Variants in DHX57 observed in about 807,000 individuals in gnomAD.
DHX57 encodes the protein putative ATP-dependent RNA helicase DHX57.
DHX57 carries 105 observed loss-of-function variants against 156.2 expected under a neutral mutation model. The ratio of observed to expected loss-of-function variants is 0.67; its 90% CI spans 0.57 to 0.79. The LOEUF is 0.79. Among genes scored for constraint, DHX57 ranks in the 30% least tolerant of loss-of-function variants. The pLI, the probability that DHX57 is intolerant of heterozygous loss-of-function variation, is 0.00. For missense variants in DHX57, 1,847 were observed against 1,661.9 expected, an observed-to-expected ratio of 1.11 and a Z score of -1.94; for synonymous variants, 704 against 595.6, an observed-to-expected ratio of 1.18 and a Z score of -2.65.
chr2:38,815,402 T>A lies in DHX57; in HGVS notation c.3606+119A>T. On this transcript the variant is annotated intron_variant, in intron 20 of 23. Coordinates refer to ENST00000457308, the MANE Select transcript of DHX57 (RefSeq NM_198963.3). ...TTTGTGCGAAGCAGAAAATCAAGAA[T>A]GCCATTAACCCACTGCTCAAAGGCT... The A allele has an allele frequency of 7.0e-6, 9 of 1,280,428 alleles. No homozygotes were observed. In the South Asian group the frequency reaches 1.3e-4, roughly 18 times the overall value. 79.3% of individuals were successfully genotyped at this position (1,280,428 alleles called of 1,614,324 possible). A position where few individuals can be genotyped will look rare whatever the true frequency, so the allele number is the denominator to read the frequency against.
At position 38,813,888 on chromosome 2, in the gene DHX57, G is replaced by T. The variant is rs776167951; in HGVS notation, c.3614C>A (p.Ser1205Ter). ...TATCAGCTTGGGGTTCTCAGCATTT[G>T]AGTTTGCCTATGAGAAAAGCACAGC... ...VLDATGEEAN[S>*]NAENPKLISA... Residue 1205 changes from serine to a stop codon, truncating the protein, a stop_gained, in exon 21 of 24, where the codon TCA becomes TAA. Coordinates refer to ENST00000457308, the MANE Select transcript of DHX57 (RefSeq NM_198963.3). LOFTEE classifies it high-confidence loss of function. 6 of 1,613,056 alleles carry T rather than the reference G, an allele frequency of 3.7e-6. No homozygotes were observed. In the Admixed American group the frequency reaches 1.0e-4, roughly 27 times the overall value.
At chr2:38,815,082 T>C (rs1670456821) in intron 20 of DHX57, among the ~76,000 whole-genome samples, 1 of 151,710 alleles carries the variant, frequency 6.6e-6, no homozygotes, top group African/African-American at 2.4e-5. Flanking sequence ...TTTTTTTTTT[T>C]TTGAGACAGG....
chr2:38,828,273 G>C, intron 14 of DHX57, 67 bp downstream of exon 14: 1 of 1,261,130 alleles, frequency 7.9e-7, no homozygotes, highest in Non-Finnish European at 1.1e-6. Context: ...AGGGTCTAAA[G>C]AGGGTGATGA....
At chr2:38,864,028 C>T (rs1308781399) in intron 2 of DHX57, among the ~76,000 whole-genome samples, 1 of 149,930 alleles carries the variant, frequency 6.7e-6, no homozygotes, top group East Asian at 2.0e-4. Flanking sequence ...AAAAAAACAA[C>T]AAAACTTAAC....
intron 14 of DHX57, among the ~76,000 whole-genome samples, chr2:38,827,191 T>C (rs1214033844): frequency 6.6e-6 from 1 of 151,782 alleles, no homozygotes; most frequent in African/African-American, 2.4e-5. Flanking sequence ...TTTTACAAAA[T>C]ATTTACTTAG....
Position 38,863,282 on chromosome 2 carries a change from A to G in DHX57, c.383+79T>C, listed in dbSNP as rs969914320. On this transcript the variant is annotated intron_variant, in intron 3 of 23. Coordinates refer to ENST00000457308, the MANE Select transcript of DHX57 (RefSeq NM_198963.3). ...ACAATAGAATCAGTACTGACACAGC[A>G]TTCCAAAGATGCACAGGACCTTCAC... 9 of 1,441,522 alleles carry G rather than the reference A, an allele frequency of 6.2e-6. No individual in the cohort carries two copies. In the African/African-American group the frequency reaches 8.5e-5, roughly 14 times the overall value. The allele number at this position is 1,441,522 out of a possible 1,614,324, so 89.3% of individuals were successfully genotyped here. A position where few individuals can be genotyped will look rare whatever the true frequency, so the allele number is the denominator to read the frequency against.
At position 38,875,870 on chromosome 2, in the gene DHX57, C is replaced by G; in HGVS notation, c.-90G>C. Reference sequence around the variant, plus strand: ...GGTCCAAACTGGACTTGGCCACCCTCACGATTCTCACTTGGAGCAGCCCTG... The same window carrying G: ...GGTCCAAACTGGACTTGGCCACCCTGACGATTCTCACTTGGAGCAGCCCTG... On this transcript the variant is annotated 5_prime_UTR_variant, in exon 1 of 24. Transcript: ENST00000457308. 2.5e-6 allele frequency: 1 copy of G among 395,632 alleles called. No homozygotes were observed. The highest frequency in any genetic ancestry group is 4.4e-6 in the Non-Finnish European group (1 of 224,760). 24.5% of individuals were successfully genotyped at this position (395,632 alleles called of 1,614,324 possible). A position where few individuals can be genotyped will look rare whatever the true frequency, so the allele number is the denominator to read the frequency against.
chr2:38,860,941 T>G, intron 5 of DHX57, 58 bp downstream of exon 5: 1 of 1,486,288 alleles, frequency 6.7e-7, no homozygotes, highest in South Asian at 1.3e-5. Context: ...TTAAAGGCTT[T>G]GACTTCTAAA....
intron 21 of DHX57, among the ~76,000 whole-genome samples, chr2:38,808,015 C>T (rs1169985842): frequency 4.9e-5 from 5 of 102,986 alleles, no homozygotes; most frequent in African/African-American, 7.7e-5. Flanking sequence ...AGTGCAGTGG[C>T]GTGATGTTGG....
intron 13 of DHX57, among the ~76,000 whole-genome samples, chr2:38,832,379 G>A (rs1199656213): frequency 1.3e-5 from 2 of 151,930 alleles, no homozygotes; most frequent in African/African-American, 4.8e-5. Flanking sequence ...GGCGGAAGTT[G>A]CAGAGCCGAG....
chr2:38,868,324 T>C lies in DHX57; in HGVS notation c.82A>G (p.Ser28Gly), dbSNP rs149444526. 6.2e-7 allele frequency: 1 copy of C among 1,608,292 alleles called. No homozygotes were observed. The highest frequency in any genetic ancestry group is 1.3e-5 in the African/African-American group (1 of 74,646). Residue 28 changes from serine (S) to glycine (G), a missense_variant, in exon 2 of 24, where the codon AGT becomes GGT. Physicochemically the swap from Ser to Gly is moderately conservative, Grantham distance 56 (BLOSUM62 0). Transcript: ENST00000457308. The part of the protein sequence containing the change: ...GSSRGGRGGR[S>G]HASKSHGSGG... The stretch of plus-strand genomic sequence containing the variant: ...CTCCCATGAGATTTACTGGCGTGAC[T>C]CCTGCCTCCTCTTCCTCCTCTAGAA...
chr2:38,856,738 G>C (rs1370087660), intron 6 of DHX57: 1 of 226,664 alleles, frequency 4.4e-6, no homozygotes, highest in Non-Finnish European at 8.6e-6. Context: ...CTGTGCTCAA[G>C]AATCCACCTG....
At chr2:38,830,896 C>T (rs1254393777) in intron 13 of DHX57, among the ~76,000 whole-genome samples, 2 of 151,866 alleles carry the variant, frequency 1.3e-5, no homozygotes, top group Admixed American at 6.6e-5. Context: ...GAGTTTGAAA[C>T]CAGTCTGGGC....
intron 10 of DHX57, 87 bp downstream of exon 10, chr2:38,848,182 G>A (rs939130225): frequency 9.3e-5 from 120 of 1,289,378 alleles, no homozygotes; most frequent in Admixed American, 9.9e-5. Flanking sequence ...CTAGAAAGAG[G>A]TATAAATATC....
chr2:38,830,665 A>G (rs1671334106), intron 13 of DHX57, among the ~76,000 whole-genome samples: 1 of 151,914 alleles, frequency 6.6e-6, no homozygotes, highest in African/African-American at 2.4e-5. Flanking sequence ...TAGTACCCCT[A>G]CTAGTGACTC....
chr2:38,872,471 T>C (rs1463977652), intron 1 of DHX57, among the ~76,000 whole-genome samples: 1 of 152,154 alleles, frequency 6.6e-6, no homozygotes, highest in Non-Finnish European at 1.5e-5. Context: ...GATCCAAATA[T>C]ATTCTGTCTG....
chr2:38,871,337 G>A (rs1036708009), intron 1 of DHX57, among the ~76,000 whole-genome samples: 1 of 152,236 alleles, frequency 6.6e-6, no homozygotes, highest in Non-Finnish European at 1.5e-5. Flanking sequence ...TGGTGGGAGC[G>A]TAATTGTGCT....
intron 21 of DHX57, chr2:38,810,540 C>T (rs1474959090): frequency 5.3e-6 from 3 of 565,664 alleles, no homozygotes; most frequent in Non-Finnish European, 1.0e-5. Context: ...CATTGCCCTC[C>T]ACGTTCATGC....
At chr2:38,854,962 A>G (rs1672807085) in intron 8 of DHX57, 95 bp downstream of exon 8, 4 of 1,167,370 alleles carry the variant, frequency 3.4e-6, no homozygotes, top group Middle Eastern at 3.8e-4. Context: ...GAAAGTATAT[A>G]TCCCAAATTG....
Sources: gnomAD v4.1 joint callset for allele counts (sites outside exome capture counted in the v4.1 genomes callset) on GRCh38, gnomAD v4.1.1 for gene constraint, MANE v1.5 for transcripts, NCBI Gene and HGNC (gene_info 2026-07-23, HGNC 2026-07-21) for gene names.